The following UBE2E2 variants were observed in gnomAD, a reference collection of about 807,000 sequenced individuals.
UBE2E2 encodes the protein ubiquitin-conjugating enzyme E2 E2.
UBE2E2 carries 6 observed loss-of-function variants against 24.7 expected under a neutral mutation model. That is an observed-to-expected ratio of 0.24 (90% CI 0.13 to 0.48). UBE2E2 has a LOEUF of 0.48. Among genes scored for constraint, UBE2E2 ranks in the 20% least tolerant of loss-of-function variants. The pLI, the probability that UBE2E2 is intolerant of heterozygous loss-of-function variation, is 0.99. For missense variants in UBE2E2, 169 were observed against 245.0 expected, an observed-to-expected ratio of 0.69 and a Z score of 2.07; for synonymous variants, 104 against 83.6, an observed-to-expected ratio of 1.24 and a Z score of -1.33.
chr3:23,240,087 G>A (rs1011401079), intron 3 of UBE2E2, among the ~76,000 whole-genome samples: 1 of 152,106 alleles, frequency 6.6e-6, no homozygotes, highest in Non-Finnish European at 1.5e-5. Flanking sequence ...GGGAGAATAG[G>A]CATCTCAATA....
At position 23,589,586 on chromosome 3, in the gene UBE2E2, C is replaced by T; in HGVS notation, c.509-148C>T. The T allele has an allele frequency of 2.9e-6, 2 of 678,790 alleles. No individual in the cohort carries two copies. The highest frequency in any genetic ancestry group is 5.1e-6 in the Non-Finnish European group (2 of 390,896). 42.0% of individuals were successfully genotyped at this position (678,790 alleles called of 1,614,324 possible). ...GGTGTGAAATGTAGTCTGTCAGCAG[C>T]AGGTGACTGGCTCAGCCGCAGCAAT... is the stretch of plus-strand genomic sequence containing the variant. On this transcript the variant is annotated intron_variant, in intron 5 of 5. Coordinates refer to ENST00000396703, the MANE Select transcript of UBE2E2 (RefSeq NM_152653.4). The surrounding 1 kb of genome is among the most constrained non-coding windows in gnomAD (Gnocchi z 4.1).
intron 3 of UBE2E2, among the ~76,000 whole-genome samples, chr3:23,225,966 G>A (rs1056885044): frequency 3.3e-5 from 5 of 151,642 alleles, no homozygotes; most frequent in South Asian, 2.1e-4. Flanking sequence ...TGCAACCTCC[G>A]CCTCCCAGGT....
chr3:23,582,393 A>G (rs1031013770), intron 5 of UBE2E2, among the ~76,000 whole-genome samples: 1 of 152,238 alleles, frequency 6.6e-6, no homozygotes, highest in African/African-American at 2.4e-5. Flanking sequence ...TCTTTATGAT[A>G]GAAATATTCC....
At chr3:23,378,526 C>G (rs1696581686) in intron 3 of UBE2E2, among the ~76,000 whole-genome samples, 1 of 152,092 alleles carries the variant, frequency 6.6e-6, no homozygotes, top group Non-Finnish European at 1.5e-5. Context: ...CCATGTTTCT[C>G]AGAGCTTGGT....
chr3:23,246,741 A>G (rs1039924254), intron 3 of UBE2E2, among the ~76,000 whole-genome samples: 2 of 152,148 alleles, frequency 1.3e-5, no homozygotes, highest in African/African-American at 2.4e-5. Context: ...AACATTTTAT[A>G]AGTCTTTTGT....
intron 5 of UBE2E2, among the ~76,000 whole-genome samples, chr3:23,581,829 C>T (rs1293883882): frequency 6.6e-6 from 1 of 152,228 alleles, no homozygotes. Context: ...AGTCATTCAG[C>T]AGTTCAGCAG....
chr3:23,482,825 G>A (rs1266587980), intron 3 of UBE2E2, among the ~76,000 whole-genome samples: 1 of 152,140 alleles, frequency 6.6e-6, no homozygotes, highest in Admixed American at 6.5e-5. Flanking sequence ...TGTCACTAAG[G>A]TTAAAGAAGA....
At chr3:23,578,515 C>G (rs1287929564) in intron 5 of UBE2E2, among the ~76,000 whole-genome samples, 2 of 152,174 alleles carry the variant, frequency 1.3e-5, no homozygotes, top group African/African-American at 4.8e-5. Flanking sequence ...ATAGCAAAGA[C>G]ATGGAATCAA....
At chr3:23,532,070 A>G (rs1172678139) in intron 4 of UBE2E2, among the ~76,000 whole-genome samples, 1 of 151,810 alleles carries the variant, frequency 6.6e-6, no homozygotes, top group Non-Finnish European at 1.5e-5. Flanking sequence ...TCAAAAAAAA[A>G]AAAAAAGAAA....
intron 4 of UBE2E2, among the ~76,000 whole-genome samples, chr3:23,524,307 C>G (rs1424792915): frequency 6.6e-6 from 1 of 151,934 alleles, no homozygotes; most frequent in Non-Finnish European, 1.5e-5. Flanking sequence ...CTTGCCTATA[C>G]CTTAAAGTGA....
intron 3 of UBE2E2, among the ~76,000 whole-genome samples, chr3:23,284,258 A>G (rs867179409): frequency 6.6e-6 from 1 of 152,102 alleles, no homozygotes; most frequent in African/African-American, 2.4e-5. Context: ...TGAAGAGACA[A>G]TTTTTTACCT....
chr3:23,257,518 C>T, intron 3 of UBE2E2, among the ~76,000 whole-genome samples: 2 of 46,922 alleles, frequency 4.3e-5, no homozygotes, highest in African/African-American at 1.6e-4. Context: ...CCGTGCCCCC[C>T]CCCCCCCCCC....
intron 3 of UBE2E2, among the ~76,000 whole-genome samples, chr3:23,418,230 G>A (rs944841846): frequency 1.8e-4 from 28 of 152,196 alleles, no homozygotes; most frequent in East Asian, 1.9e-4. Context: ...TGCAGAGACC[G>A]TGGGAAAAGC....
intron 3 of UBE2E2, among the ~76,000 whole-genome samples, chr3:23,332,476 T>A (rs574336321): frequency 5.3e-5 from 8 of 152,114 alleles, no homozygotes; most frequent in African/African-American, 1.9e-4. Context: ...ATTATTAAAA[T>A]AAAGATAAAT....
chr3:23,431,578 C>T (rs888233533), intron 3 of UBE2E2, among the ~76,000 whole-genome samples: 6 of 152,108 alleles, frequency 3.9e-5, no homozygotes, highest in African/African-American at 1.2e-4. Context: ...TCTTAGATAA[C>T]ATTTTATTTA....
intron 4 of UBE2E2, among the ~76,000 whole-genome samples, chr3:23,508,847 CA>C (rs1694518782): frequency 1.3e-5 from 2 of 152,166 alleles, no homozygotes; most frequent in Non-Finnish European, 2.9e-5. Context: ...GTTATGTGAA[CA>C]GGGGAGACTG....
intron 3 of UBE2E2, among the ~76,000 whole-genome samples, chr3:23,309,795 T>C (rs1013569922): frequency 1.1e-4 from 17 of 152,072 alleles, no homozygotes; most frequent in African/African-American, 4.1e-4. Flanking sequence ...TCCTGCCAGG[T>C]TGATGCTGGT....
At chr3:23,238,385 T>G (rs1351873061) in intron 3 of UBE2E2, among the ~76,000 whole-genome samples, 2 of 152,184 alleles carry the variant, frequency 1.3e-5, no homozygotes, top group African/African-American at 4.8e-5. Flanking sequence ...ATATGAAAGC[T>G]TCTAGAACAC....
intron 3 of UBE2E2, among the ~76,000 whole-genome samples, chr3:23,476,131 G>T (rs552392402): frequency 4.6e-5 from 7 of 152,108 alleles, no homozygotes; most frequent in African/African-American, 1.7e-4. Context: ...TTGTAAAGTG[G>T]ATTTTCGTTC....
Sources: gnomAD v4.1 joint callset for allele counts (sites outside exome capture counted in the v4.1 genomes callset) on GRCh38, gnomAD v4.1.1 for gene constraint, Gnocchi (gnomAD v3.1) non-coding constraint, MANE v1.5 for transcripts, NCBI Gene and HGNC (gene_info 2026-07-23, HGNC 2026-07-21) for gene names.